The following SYMPK variants were observed in gnomAD, a reference collection of about 807,000 sequenced individuals.
SYMPK encodes the protein symplekin.
Under a neutral mutation model 136.4 loss-of-function variants are expected in SYMPK, and 49 were observed. The observed-to-expected ratio is 0.36, with a 90% CI of 0.29 to 0.46. The LOEUF (loss-of-function observed/expected upper bound fraction) is 0.46. SYMPK is among the 20% of genes least tolerant of loss of function. SYMPK has a pLI of 1.00. For missense variants in SYMPK, 1,365 were observed against 1,690.0 expected, an observed-to-expected ratio of 0.81 and a Z score of 3.37; for synonymous variants, 766 against 713.0, an observed-to-expected ratio of 1.07 and a Z score of -1.19.
chr19:45,827,887 G>C lies in SYMPK; in HGVS notation c.2017C>G (p.Leu673Val), dbSNP rs1568612252. The C allele has an allele frequency of 3.1e-6, 5 of 1,614,028 alleles. No individual in the cohort carries two copies. Among genetic ancestry groups the C allele is most frequent in the Middle Eastern group, 3.3e-4 (2 of 6,062 alleles). ...IFTKVVLEAP[L>V]ITESALEVVR... ...ACCTCCAGGGCACTCTCTGTGATGAGTGGCGCCTCCAGCACAACCTTGGTG... is the reference window on the plus strand; with the variant it reads ...ACCTCCAGGGCACTCTCTGTGATGACTGGCGCCTCCAGCACAACCTTGGTG... Residue 673 changes from leucine to valine, a missense_variant, in exon 15 of 27, where the codon CTC becomes GTC. Physicochemically the swap from Leu to Val is conservative, Grantham distance 32. This residue lies in a region of SYMPK where 303 missense variants were observed against 326.6 expected (regional missense o/e 0.93). Transcript: ENST00000245934.
chr19:45,828,527 G>C (rs1436926786), intron 14 of SYMPK: 1 of 189,406 alleles, frequency 5.3e-6, no homozygotes, highest in Non-Finnish European at 1.1e-5. Context: ...GTAATAAAAG[G>C]ATTTATATAA....
chr19:45,835,921 G>GAAAGAAAC (rs544890469), intron 10 of SYMPK, among the ~76,000 whole-genome samples: 14 of 145,580 alleles, frequency 9.6e-5, no homozygotes, highest in Non-Finnish European at 3.0e-5. Context: ...CATTCATAAA[G>GAAAGAAAC]AAAGAAAGAA....
At position 45,821,584 on chromosome 19, in the gene SYMPK, TG is replaced by T. The variant is rs1235904964; in HGVS notation, c.2792-100del. 3.9e-6 allele frequency: 3 copies of T among 763,456 alleles called. No individual in the cohort carries two copies. Among genetic ancestry groups the T allele is most frequent in the African/African-American group, 1.8e-5 (1 of 56,418 alleles). 47.3% of individuals were successfully genotyped at this position (763,456 alleles called of 1,614,324 possible). On this transcript the variant is annotated intron_variant, in intron 21 of 26. Coordinates refer to ENST00000245934, the MANE Select transcript of SYMPK (RefSeq NM_004819.3). The surrounding 1 kb of genome is among the most constrained non-coding windows in gnomAD (Gnocchi z 4.4). ...AGATCGGGGGAGCTGCGAGCAAAGA[TG>T]AGGTGCCCTCTGCTTTCAGGGCTGG...
intron 10 of SYMPK, among the ~76,000 whole-genome samples, chr19:45,837,206 A>G (rs1971322072): frequency 6.6e-6 from 1 of 152,216 alleles, no homozygotes; most frequent in South Asian, 2.1e-4. Flanking sequence ...AGCAACAGAA[A>G]AGGGGCACAT....
At chr19:45,840,840 C>CA (rs980142004) in intron 9 of SYMPK, among the ~76,000 whole-genome samples, 68 of 140,166 alleles carry the variant, frequency 4.9e-4, no homozygotes, top group African/African-American at 1.4e-3. Context: ...AAGACTGTCT[C>CA]AAAAAAAAAA....
chr19:45,817,495 G>GT (rs1442511305), intron 23 of SYMPK, among the ~76,000 whole-genome samples: 2 of 142,836 alleles, frequency 1.4e-5, no homozygotes, highest in African/African-American at 2.7e-5. Context: ...TGAGTGGCGC[G>GT]TTTCTTCCTC....
At position 45,826,431 on chromosome 19, in the gene SYMPK, A is replaced by G. The variant is rs577720688; in HGVS notation, c.2182-58T>C. The G allele has an allele frequency of 3.8e-6, 6 of 1,566,890 alleles. No homozygotes were observed. The East Asian group carries it at 9.0e-5, about 23-fold the overall frequency. ...GGAAGAGGTAAGAGGAAGAACAGCTATTCCTGCGAGCATGGCAACACTCAC... is the reference window on the plus strand; with the variant it reads ...GGAAGAGGTAAGAGGAAGAACAGCTGTTCCTGCGAGCATGGCAACACTCAC... On this transcript the variant is annotated intron_variant, in intron 16 of 26. Coordinates refer to ENST00000245934, the MANE Select transcript of SYMPK (RefSeq NM_004819.3).
At chr19:45,844,693 G>C (rs2146332473) in intron 7 of SYMPK, among the ~76,000 whole-genome samples, 1 of 151,690 alleles carries the variant, frequency 6.6e-6, no homozygotes, top group South Asian at 2.1e-4. Context: ...AAAAAATTTA[G>C]TTATAAAGAT....
At chr19:45,822,966 C>CCCT in intron 20 of SYMPK, 120 bp from the exon 21 acceptor site, 1 of 765,810 alleles carries the variant, frequency 1.3e-6, no homozygotes, top group Non-Finnish European at 2.2e-6. Flanking sequence ...CTCACTGAGC[C>CCCT]CCTCCTACCC....
chr19:45,854,425 C>T lies in SYMPK; in HGVS notation c.71G>A (p.Gly24Glu). ...GGTGGTCATGCCATCGATGCCCGGC[C>T]CCTCCTCTTGAGTGAAAAACTGTGA... ...VASQFFTQEE[G>E]PGIDGMTTSE... Residue 24 changes from glycine (G) to glutamate (E), a missense_variant, in exon 2 of 27, where the codon GGG becomes GAG. By Grantham distance (98) the Gly-to-Glu change is moderately conservative (BLOSUM62 -2). Transcript: ENST00000245934. 1 of 1,614,166 alleles carries T rather than the reference C, an allele frequency of 6.2e-7. No individual in the cohort carries two copies. The highest frequency in any genetic ancestry group is 8.5e-7 in the Non-Finnish European group (1 of 1,180,026).
Position 45,845,910 on chromosome 19 carries a change from T to C in SYMPK, c.677-1710A>G, listed in dbSNP as rs184611923. Among the ~76,000 whole-genome samples, 13 of 152,338 alleles carry C rather than the reference T, an allele frequency of 8.5e-5. No homozygotes were observed. In the East Asian group the frequency reaches 1.9e-3, roughly 23 times the overall value. On this transcript the variant is annotated intron_variant, in intron 7 of 26. Coordinates refer to ENST00000245934, the MANE Select transcript of SYMPK (RefSeq NM_004819.3). ...ACTTTAACTGGGGTGAGACATTTCA[T>C]TGTAGTTTTGACTTGAACGCCACAT...
At chr19:45,838,688 G>A (rs1379023771) in intron 9 of SYMPK, 73 bp from the exon 10 acceptor site, 155 of 1,511,662 alleles carry the variant, frequency 1.0e-4, no homozygotes, top group Non-Finnish European at 1.3e-4. Context: ...CGGGGTGCCC[G>A]GGTGGTCCCT....
chr19:45,845,596 C>G (rs545273806), intron 7 of SYMPK, among the ~76,000 whole-genome samples: 119 of 152,226 alleles, frequency 7.8e-4, no homozygotes, highest in South Asian at 1.7e-3. Flanking sequence ...ATCTATTACT[C>G]TGTTGATGAA....
In SYMPK at chr19:45,822,831, C is replaced by A; in HGVS notation, c.2716G>T (p.Ala906Ser). ...TTGAGTTTGATGAGTTTAGGCAGGG[C>A]CTGGATCACCTCTTTCTACAGGGAG... ...NGLEKKEVIQ[A>S]LPKLIKLNPI... The change falls in exon 21 of 27, where the codon GCC becomes TCC. Residue 906 changes from alanine to serine, a missense_variant. Around this residue, in one of 11 missense-constraint regions of SYMPK, gnomAD observed 156 missense variants for 217.8 expected, o/e 0.72. Transcript: ENST00000245934. 1 of 1,613,962 alleles carries A rather than the reference C, an allele frequency of 6.2e-7. No individual in the cohort carries two copies. The highest frequency in any genetic ancestry group is 8.5e-7 in the Non-Finnish European group (1 of 1,179,904).
In SYMPK at chr19:45,830,080, C is replaced by G; in HGVS notation, c.1723G>C (p.Ala575Pro). ...AVKRILRAEK[A>P]VACSGAAQVR... The stretch of plus-strand genomic sequence containing the variant: ...TGGGCTGCCCCGCTGCAGGCCACAG[C>G]CTTCTCAGCCCGCAGGATCCGCTTC... The change falls in exon 13 of 27, where the codon GCT (alanine) becomes CCT (proline). Residue 575 changes from alanine (A) to proline (P), a missense_variant. Around this residue, in one of 11 missense-constraint regions of SYMPK, gnomAD observed 303 missense variants for 326.6 expected, o/e 0.93. Transcript: ENST00000245934. 1 of 1,558,236 alleles carries G rather than the reference C, an allele frequency of 6.4e-7. No individual in the cohort carries two copies.
chr19:45,818,768 G>A (rs1008746045), intron 22 of SYMPK: 1 of 152,400 alleles, frequency 6.6e-6, no homozygotes, highest in South Asian at 2.1e-4. Context: ...AGGACCCAGA[G>A]GGTTGGCACA....
chr19:45,816,767 G>T (rs1970752496), intron 24 of SYMPK, 31 bp downstream of exon 24: 21 of 1,503,666 alleles, frequency 1.4e-5, no homozygotes, highest in East Asian at 2.5e-5. Flanking sequence ...CTGGGTGGGG[G>T]GAAAGGGTAC....
chr19:45,825,222 A>G lies in SYMPK; in HGVS notation c.2439T>C (p.Thr813=). The change falls in exon 18 of 27, where the codon ACT becomes ACC. Residue 813 remains threonine (T), a synonymous_variant. Transcript: ENST00000245934. Reference sequence around the variant, plus strand: ...TCCGCTTGATGTCGGCGATGGCTTCAGTGTACACGGCCGCCAGTTCGTGGA... The same window carrying G: ...TCCGCTTGATGTCGGCGATGGCTTCGGTGTACACGGCCGCCAGTTCGTGGA... ...KLIHELAAVY[T]EAIADIKRTV... The G allele has an allele frequency of 6.2e-7, 1 of 1,614,150 alleles. No individual in the cohort carries two copies. Among genetic ancestry groups the G allele is most frequent in the South Asian group, 1.1e-5 (1 of 91,086 alleles).
chr19:45,827,471 G>A (rs1228374024), intron 16 of SYMPK, 39 bp downstream of exon 16: 3 of 1,501,154 alleles, frequency 2.0e-6, no homozygotes, highest in Non-Finnish European at 2.8e-6. Flanking sequence ...TCTGCAAGCT[G>A]CAGGCTGAGG....
Sources: gnomAD v4.1 joint callset for allele counts (sites outside exome capture counted in the v4.1 genomes callset) on GRCh38, gnomAD v4.1.1 for gene constraint, gnomAD v4.1.1 regional missense constraint, Gnocchi (gnomAD v3.1) non-coding constraint, MANE v1.5 for transcripts, NCBI Gene and HGNC (gene_info 2026-07-23, HGNC 2026-07-21) for gene names.